Variants in AKAP13 observed in about 807,000 individuals in gnomAD.
The protein encoded by AKAP13 is A-kinase anchoring protein 13.
Under a neutral mutation model 264.5 loss-of-function variants are expected in AKAP13, and 80 were observed. The ratio of observed to expected loss-of-function variants is 0.30; its 90% CI spans 0.25 to 0.36. AKAP13 has a LOEUF of 0.36. Ranked by LOEUF, AKAP13 falls within the 10% of genes least tolerant of loss-of-function variation. The pLI is 1.00. For missense variants in AKAP13, 3,712 were observed against 3,435.2 expected (o/e 1.08, Z -2.01); for synonymous variants, 1,380 against 1,250.2 (o/e 1.10, Z -2.19).
intron 1 of AKAP13, among the ~76,000 whole-genome samples, chr15:85,483,407 A>C (rs1032406132): frequency 6.6e-6 from 1 of 152,148 alleles, no homozygotes; most frequent in East Asian, 1.9e-4. Context: ...CGGGTGGATC[A>C]TGAGGTCAGG....
In AKAP13 at chr15:85,727,315, T is replaced by G; in HGVS notation, c.7005-66T>G. 1 of 1,613,378 alleles carries G rather than the reference T, an allele frequency of 6.2e-7. No homozygotes were observed. The highest frequency in any genetic ancestry group is 8.5e-7 in the Non-Finnish European group (1 of 1,179,410). On this transcript the variant is annotated intron_variant, in intron 28 of 36. Coordinates refer to ENST00000394518, the MANE Select transcript of AKAP13 (RefSeq NM_007200.5). The surrounding 1 kb of genome is among the most constrained non-coding windows in gnomAD (Gnocchi z 5.3). ...GTCTCTGTGTGATTTCATAACAGGC[T>G]GGACTGTGACCAGAGTAATTGACAT...
chr15:85,554,300 T>C (rs1268942542), intron 5 of AKAP13, among the ~76,000 whole-genome samples: 3 of 152,222 alleles, frequency 2.0e-5, no homozygotes, highest in Admixed American at 1.3e-4. Flanking sequence ...AGAACATGTT[T>C]ATAAAGTTCT....
In AKAP13 at chr15:85,636,208, A is replaced by G. The variant is rs74625080; in HGVS notation, c.4162-3166A>G. On this transcript the variant is annotated intron_variant, in intron 8 of 36. Coordinates refer to ENST00000394518, the MANE Select transcript of AKAP13 (RefSeq NM_007200.5). ...GGTATTGCTTTTACTTTTAATTTCA[A>G]TTTCTAATTGCTCATTGCTAGTATG... Among the ~76,000 whole-genome samples, 207 of 152,070 alleles carry G rather than the reference A, an allele frequency of 1.4e-3. 1 individual carries two copies. Among genetic ancestry groups the G allele is most frequent in the African/African-American group, 4.2e-3 (175 of 41,470 alleles).
At chr15:85,445,062 T>A (rs980295362) in intron 1 of AKAP13, among the ~76,000 whole-genome samples, 12 of 152,338 alleles carry the variant, frequency 7.9e-5, no homozygotes, top group Admixed American at 6.5e-5. Context: ...TTCCATATGC[T>A]TATTCAGTCA....
chr15:85,708,805 C>T lies in AKAP13; in HGVS notation c.5532+719C>T, dbSNP rs540451870. 9.9e-5 allele frequency among the ~76,000 whole-genome samples: 15 copies of T among 152,252 alleles called. No individual in the cohort carries two copies. The East Asian group carries it at 2.3e-3, about 23-fold the overall frequency. On this transcript the variant is annotated intron_variant, in intron 18 of 36. Coordinates refer to ENST00000394518, the MANE Select transcript of AKAP13 (RefSeq NM_007200.5). The surrounding 1 kb of genome is among the most constrained non-coding windows in gnomAD (Gnocchi z 4.3). Reference sequence around the variant, plus strand: ...CAGATGATTAATGAGCTGTGTGCTTCGTCAGTCACCAAACACAGTTATCTA... The same window carrying T: ...CAGATGATTAATGAGCTGTGTGCTTTGTCAGTCACCAAACACAGTTATCTA...
chr15:85,600,186 T>C (rs922311340), intron 8 of AKAP13, among the ~76,000 whole-genome samples: 1 of 152,114 alleles, frequency 6.6e-6, no homozygotes, highest in African/African-American at 2.4e-5. Flanking sequence ...TGACCGACCA[T>C]GCACCAAAGC....
chr15:85,462,842 A>G (rs7167563), intron 1 of AKAP13, among the ~76,000 whole-genome samples: 80,406 of 149,532 alleles, frequency 0.54, 22,349 homozygotes, highest in Admixed American at 0.63. Context: ...GGCTAAAATG[A>G]TGAAACCCCG....
chr15:85,720,595 A>G (rs1323520789), intron 23 of AKAP13, among the ~76,000 whole-genome samples: 1 of 152,232 alleles, frequency 6.6e-6, no homozygotes, highest in Non-Finnish European at 1.5e-5. Context: ...TATAACATGT[A>G]CATCTGACTA....
Position 85,708,064 on chromosome 15 carries a change from C to G in AKAP13, c.5510C>G (p.Ser1837Cys). Residue 1837 changes from serine (S) to cysteine (C), a missense_variant, in exon 18 of 37, where the codon TCC becomes TGC. Coordinates refer to ENST00000394518, the MANE Select transcript of AKAP13 (RefSeq NM_007200.5). The surrounding 1 kb of genome is among the most constrained non-coding windows in gnomAD (Gnocchi z 4.3). ...VHKGCRESLA[S>C]CAKVKMKQPK... Reference sequence around the variant, plus strand: ...AAAGGCTGCCGAGAAAGTCTAGCCTCCTGTGCAAAGGTCAAAATGAAGGTA... The same window carrying G: ...AAAGGCTGCCGAGAAAGTCTAGCCTGCTGTGCAAAGGTCAAAATGAAGGTA... 6.2e-7 allele frequency: 1 copy of G among 1,613,818 alleles called. No homozygotes were observed. The highest frequency in any genetic ancestry group is 8.5e-7 in the Non-Finnish European group (1 of 1,179,844).
intron 10 of AKAP13, among the ~76,000 whole-genome samples, chr15:85,648,306 C>G (rs2082650432): frequency 6.6e-6 from 1 of 152,144 alleles, no homozygotes; most frequent in South Asian, 2.1e-4. Context: ...ATGGAAGTGT[C>G]TTTGTTAAGA....
At chr15:85,539,390 A>T (rs1277385065) in intron 4 of AKAP13, among the ~76,000 whole-genome samples, 1 of 143,476 alleles carries the variant, frequency 7.0e-6, no homozygotes, top group Non-Finnish European at 1.5e-5. Context: ...GCAGCTGAGA[A>T]TTCCTGCATC....
chr15:85,670,815 C>G (rs948783948), intron 14 of AKAP13: 1 of 151,982 alleles, frequency 6.6e-6, no homozygotes, highest in East Asian at 1.9e-4. Flanking sequence ...GACCTGTATG[C>G]GGATTCAGAT....
intron 2 of AKAP13, among the ~76,000 whole-genome samples, chr15:85,501,362 A>G (rs1369999762): frequency 1.3e-5 from 2 of 152,238 alleles, no homozygotes; most frequent in Admixed American, 6.5e-5. Flanking sequence ...TATCTTGCTA[A>G]GTCTCAGAAT....
chr15:85,568,399 A>T (rs1165677795), intron 5 of AKAP13, among the ~76,000 whole-genome samples: 7 of 152,246 alleles, frequency 4.6e-5, no homozygotes, highest in Non-Finnish European at 7.3e-5. Flanking sequence ...TCAGTAAGCC[A>T]GACCGAAAGA....
chr15:85,734,587 C>A (rs553790729), intron 30 of AKAP13, among the ~76,000 whole-genome samples: 1 of 152,216 alleles, frequency 6.6e-6, no homozygotes, highest in African/African-American at 2.4e-5. Flanking sequence ...TTAGACTACT[C>A]TAGCCCCTTG....
At chr15:85,415,545 A>C in intron 1 of AKAP13, 1 of 1,464,862 alleles carries the variant, frequency 6.8e-7, no homozygotes, top group Non-Finnish European at 9.5e-7. Context: ...GGAAAACACA[A>C]TAAGAAGAAA....
rs1349576897 is a variant in AKAP13 at position 85,746,797 on chromosome 15, G to A, written c.*2120G>A. On this transcript the variant is annotated 3_prime_UTR_variant, in exon 37 of 37. Transcript: ENST00000394518. ...CCGAGTTCCCCTCCTGGGATTTGCAGGAGGGCAGTACTGAACCTGCATTCT... is the reference window on the plus strand; with the variant it reads ...CCGAGTTCCCCTCCTGGGATTTGCAAGAGGGCAGTACTGAACCTGCATTCT... 3 of 152,234 alleles carry A rather than the reference G, an allele frequency of 2.0e-5. No individual in the cohort carries two copies. The highest frequency in any genetic ancestry group is 7.2e-5 in the African/African-American group (3 of 41,440). 9.4% of individuals were successfully genotyped at this position (152,234 alleles called of 1,614,324 possible). A position where few individuals can be genotyped will look rare whatever the true frequency, so the allele number is the denominator to read the frequency against.
intron 30 of AKAP13, among the ~76,000 whole-genome samples, chr15:85,732,000 T>A (rs975144546): frequency 8.6e-5 from 13 of 151,510 alleles, no homozygotes; most frequent in African/African-American, 3.2e-4. Flanking sequence ...GGAGAATCGC[T>A]TGAACCCAGG....
chr15:85,739,444 G>A (rs963480689), intron 33 of AKAP13, among the ~76,000 whole-genome samples: 2 of 151,958 alleles, frequency 1.3e-5, no homozygotes, highest in Non-Finnish European at 2.9e-5. Flanking sequence ...TTGTGTTCCT[G>A]GCCTATTTTT....
Sources: gnomAD v4.1 joint callset for allele counts (sites outside exome capture counted in the v4.1 genomes callset) on GRCh38, gnomAD v4.1.1 for gene constraint, Gnocchi (gnomAD v3.1) non-coding constraint, MANE v1.5 for transcripts, NCBI Gene and HGNC (gene_info 2026-07-23, HGNC 2026-07-21) for gene names.